The following MBNL2 variants were observed in gnomAD, a reference collection of about 807,000 sequenced individuals.
The protein encoded by MBNL2 is muscleblind like splicing regulator 2.
A neutral mutation model predicts 41.9 loss-of-function variants in MBNL2; 17 were observed. The observed-to-expected ratio is 0.41, with a 90% CI of 0.28 to 0.61. The LOEUF (loss-of-function observed/expected upper bound fraction) is 0.61, where lower values mean the gene tolerates loss of function less well. MBNL2 is among the 20% of genes least tolerant of loss of function. MBNL2 has a pLI of 0.35. For missense variants in MBNL2, 336 were observed against 505.6 expected (o/e 0.66, Z 3.22); for synonymous variants, 195 against 182.9 (o/e 1.07, Z -0.53).
At chr13:97,335,161 T>A (rs2153066977) in intron 3 of MBNL2, among the ~76,000 whole-genome samples, 1 of 152,354 alleles carries the variant, frequency 6.6e-6, no homozygotes, top group East Asian at 1.9e-4. Flanking sequence ...GATTTCACCC[T>A]GTCTGAAAGT....
At chr13:97,211,774 C>T in the MBNL2 span, among the ~76,000 whole-genome samples, 2 of 152,170 alleles carry the variant, frequency 1.3e-5, no homozygotes, top group East Asian at 3.8e-4. Context: ...CTTCTCTTTG[C>T]ACAAATTATT....
chr13:97,325,574 A>G (rs1032767750), intron 2 of MBNL2, among the ~76,000 whole-genome samples: 1 of 152,120 alleles, frequency 6.6e-6, no homozygotes, highest in African/African-American at 2.4e-5. Flanking sequence ...CTACAAAAAT[A>G]AAAAAATTAG....
chr13:97,327,590 A>G (rs902901233), intron 2 of MBNL2, among the ~76,000 whole-genome samples: 3 of 121,892 alleles, frequency 2.5e-5, no homozygotes, highest in Non-Finnish European at 5.3e-5. Flanking sequence ...AAAAGTTCAT[A>G]TAACCATTTT....
chr13:97,198,897 C>CCTAA, the MBNL2 span, among the ~76,000 whole-genome samples: 11 of 152,008 alleles, frequency 7.2e-5, no homozygotes, highest in Non-Finnish European at 4.4e-5. Context: ...TAACTGGCCT[C>CCTAA]CTGCTCCCAC....
In MBNL2 at chr13:97,260,289, G is replaced by A. The variant is rs192424692; in HGVS notation, c.-604-15343G>A. On this transcript the variant is annotated intron_variant, in intron 1 of 8. Transcript: ENST00000679496. The stretch of plus-strand genomic sequence containing the variant: ...CAGTCAAAGGCCAGGATGGTTGGGG[G>A]GAGTCAGAAAGTATGGGGCCAGTCA... 2.4e-4 allele frequency among the ~76,000 whole-genome samples: 36 copies of A among 152,302 alleles called. No homozygotes were observed. The East Asian group carries it at 6.0e-3, about 25-fold the overall frequency.
At chr13:97,188,839 C>T in the MBNL2 span, among the ~76,000 whole-genome samples, 1 of 152,104 alleles carries the variant, frequency 6.6e-6, no homozygotes, top group African/African-American at 2.4e-5. Flanking sequence ...TCCCCCAACC[C>T]AGCCCTCATT....
chr13:97,393,621 C>A lies in MBNL2; in HGVS notation c.*2172C>A, dbSNP rs2066446306. 1 of 152,440 alleles carries A rather than the reference C, an allele frequency of 6.6e-6. No homozygotes were observed. Among genetic ancestry groups the A allele is most frequent in the South Asian group, 2.1e-4 (1 of 4,834 alleles). 9.4% of individuals were successfully genotyped at this position (152,440 alleles called of 1,614,324 possible). A position where few individuals can be genotyped will look rare whatever the true frequency, so the allele number is the denominator to read the frequency against. ...GAGGCAAGGCAAATGCATAGATGTA[C>A]AAATATATGTACAACAGATTTTGCT... On this transcript the variant is annotated 3_prime_UTR_variant, in exon 9 of 9. Transcript: ENST00000679496.
intron 1 of MBNL2, among the ~76,000 whole-genome samples, chr13:97,263,082 C>A (rs777896305): frequency 1.3e-5 from 2 of 152,082 alleles, no homozygotes; most frequent in Non-Finnish European, 2.9e-5. Flanking sequence ...CTGCCACGCT[C>A]GACCTTGAAG....
chr13:97,186,273 C>T, the MBNL2 span, among the ~76,000 whole-genome samples: 1 of 152,166 alleles, frequency 6.6e-6, no homozygotes, highest in Non-Finnish European at 1.5e-5. Context: ...AAACTGAGCT[C>T]GTAATTTCCC....
Position 97,275,466 on chromosome 13 carries a change from G to A in MBNL2, c.-604-166G>A, listed in dbSNP as rs138111169. Among the ~76,000 whole-genome samples, 22 of 152,202 alleles carry A rather than the reference G, an allele frequency of 1.4e-4. No individual in the cohort carries two copies. The East Asian group carries it at 3.3e-3, about 23-fold the overall frequency. On this transcript the variant is annotated intron_variant, in intron 1 of 8. Coordinates refer to ENST00000679496, the MANE Select transcript of MBNL2 (RefSeq NM_001382683.1). The stretch of plus-strand genomic sequence containing the variant: ...TAGACAATTCTGCAATACGGTTTCC[G>A]TTGCATATTCTTTTTTTTATTTAAT...
chr13:97,328,161 G>C (rs1444399728), intron 2 of MBNL2, among the ~76,000 whole-genome samples: 2 of 149,246 alleles, frequency 1.3e-5, no homozygotes, highest in Non-Finnish European at 3.0e-5. Context: ...TTCTGAGACG[G>C]TTTCCTTAAC....
chr13:97,234,686 C>A (rs971700432), intron 1 of MBNL2, among the ~76,000 whole-genome samples: 3 of 152,136 alleles, frequency 2.0e-5, no homozygotes, highest in Non-Finnish European at 4.4e-5. Context: ...ACTGATGGAT[C>A]GAGATTTAAA....
At chr13:97,177,183 C>A in the MBNL2 span, among the ~76,000 whole-genome samples, 1 of 151,878 alleles carries the variant, frequency 6.6e-6, no homozygotes, top group African/African-American at 2.4e-5. Flanking sequence ...ACTAAAAATC[C>A]AAAAAATTAG....
chr13:97,343,037 G>A lies in MBNL2; in HGVS notation c.361G>A (p.Ala121Thr), dbSNP rs1421968313. 1.4e-5 allele frequency: 22 copies of A among 1,612,544 alleles called. No individual in the cohort carries two copies. The highest frequency in any genetic ancestry group is 3.3e-5 in the Admixed American group (2 of 59,988). Residue 121 changes from alanine (A) to threonine (T), a missense_variant, in exon 4 of 9, where the codon GCG (alanine) becomes ACG (threonine). Ala to Thr is a moderately conservative substitution (Grantham distance 58). Transcript: ENST00000679496. ...HPVPTFPVGP[A>T]IGTNTAISFA... ...ACAGCCCACTTTCCCTGTAGGTCCC[G>A]CGATAGGGACAAATACGGCTATTAG...
At chr13:97,183,694 G>C in the MBNL2 span, among the ~76,000 whole-genome samples, 1 of 152,206 alleles carries the variant, frequency 6.6e-6, no homozygotes, top group African/African-American at 2.4e-5. Flanking sequence ...GCATTGTCCT[G>C]TGCACCTTCT....
At chr13:97,162,135 CATG>C in the MBNL2 span, among the ~76,000 whole-genome samples, 1 of 152,088 alleles carries the variant, frequency 6.6e-6, no homozygotes, top group South Asian at 2.1e-4. Context: ...AACCAGATCT[CATG>C]ATAACTCACT....
the MBNL2 span, among the ~76,000 whole-genome samples, chr13:97,190,581 T>G: frequency 6.6e-6 from 1 of 152,200 alleles, no homozygotes; most frequent in South Asian, 2.1e-4. Flanking sequence ...AAGGCTATAA[T>G]TTTGTCCACA....
Position 97,275,884 on chromosome 13 carries a change from C to G in MBNL2, c.-352C>G, listed in dbSNP as rs562204433. Reference sequence around the variant, plus strand: ...TTCCAACATCGTCAATAGCTGTGAGCGTCAGCATTAAATATTCTCCCAAGG... The same window carrying G: ...TTCCAACATCGTCAATAGCTGTGAGGGTCAGCATTAAATATTCTCCCAAGG... On this transcript the variant is annotated 5_prime_UTR_variant, in exon 2 of 9. Transcript: ENST00000679496. The G allele has an allele frequency of 5.7e-6, 1 of 176,478 alleles. No homozygotes were observed. The highest frequency in any genetic ancestry group is 2.3e-5 in the African/African-American group (1 of 42,598). 10.9% of individuals were successfully genotyped at this position (176,478 alleles called of 1,614,324 possible).
At chr13:97,142,080 T>C in the MBNL2 span, among the ~76,000 whole-genome samples, 1 of 152,056 alleles carries the variant, frequency 6.6e-6, no homozygotes, top group African/African-American at 2.4e-5. Flanking sequence ...TAGAAATTGA[T>C]AGAGAGGGAA....
Sources: gnomAD v4.1 joint callset for allele counts (sites outside exome capture counted in the v4.1 genomes callset) on GRCh38, gnomAD v4.1.1 for gene constraint, MANE v1.5 for transcripts, NCBI Gene and HGNC (gene_info 2026-07-23, HGNC 2026-07-21) for gene names.